Variants in DYSF observed in about 807,000 individuals in gnomAD.
DYSF encodes dysferlin.
A neutral mutation model predicts 274.9 loss-of-function variants in DYSF; 212 were observed. The ratio of observed to expected loss-of-function variants is 0.77; its 90% CI spans 0.69 to 0.86. The LOEUF (loss-of-function observed/expected upper bound fraction) is 0.86. DYSF is among the 40% of genes least tolerant of loss of function. The pLI, the probability that DYSF is intolerant of heterozygous loss-of-function variation, is 0.00. For missense variants in DYSF, 2,666 were observed against 2,783.2 expected, an observed-to-expected ratio of 0.96 and a Z score of 0.95; for synonymous variants, 1,091 against 1,078.7, an observed-to-expected ratio of 1.01 and a Z score of -0.22.
chr2:71,555,959 C>A lies in DYSF; in HGVS notation c.2110-6C>A. On this transcript the variant is annotated splice_polypyrimidine_tract_variant and splice_region_variant and intron_variant, in intron 21 of 55. Transcript: ENST00000410020. ...CACACCTGACCCTTGCCTGCCCATT[C>A]CACAGGAAGCTGGCCTGGAGCAGGT... is the stretch of plus-strand genomic sequence containing the variant. The A allele has an allele frequency of 6.4e-7, 1 of 1,556,626 alleles. No individual in the cohort carries two copies. The highest frequency in any genetic ancestry group is 1.2e-5 in the South Asian group (1 of 84,474).
rs138399910 is a variant in DYSF at position 71,557,948 on chromosome 2, C to T, written c.2216+1877C>T. ...TTGGGAGGCTGAGACAGCAGAATTG[C>T]TTGAACCCAGGAGGTGGATGTTGCA... On this transcript the variant is annotated intron_variant, in intron 22 of 55. Transcript: ENST00000410020. Among the ~76,000 whole-genome samples the T allele has an allele frequency of 2.8e-3, 429 of 151,960 alleles. 1 individual carries two copies. The highest frequency in any genetic ancestry group is 5.3e-3 in the Non-Finnish European group (358 of 67,962).
At chr2:71,656,030 C>A in intron 42 of DYSF, 132 bp from the exon 43 acceptor site, 2 of 1,230,338 alleles carry the variant, frequency 1.6e-6, no homozygotes, top group East Asian at 2.3e-5. Flanking sequence ...TTTTCTTCTT[C>A]TCTCTTCCTT....
At chr2:71,563,313 G>A (rs764108740) in intron 23 of DYSF, among the ~76,000 whole-genome samples, 2 of 152,200 alleles carry the variant, frequency 1.3e-5, no homozygotes, top group Admixed American at 6.5e-5. Flanking sequence ...GTGAAGCGAC[G>A]CATGGGCATG....
At position 71,564,144 on chromosome 2, in the gene DYSF, C is replaced by A. The variant is rs932447764; in HGVS notation, c.2496C>A (p.Val832=). ...ACCAGCGGGTGCCCGCCCACCAAGT[C>A]CTCTTCTCCCGGCGGGGTGCCAACT... ...VAYQRVPAHQ[V]LFSRRGANYC... The change falls in exon 24 of 56, where the codon GTC becomes GTA. Residue 832 remains valine (V), a synonymous_variant. Coordinates refer to ENST00000410020, the MANE Select transcript of DYSF (RefSeq NM_001130987.2). The A allele has an allele frequency of 6.2e-7, 1 of 1,614,284 alleles. No individual in the cohort carries two copies. Among genetic ancestry groups the A allele is most frequent in the Admixed American group, 1.7e-5 (1 of 60,038 alleles).
chr2:71,626,088 T>G (rs1175154606), intron 41 of DYSF, among the ~76,000 whole-genome samples: 2 of 152,036 alleles, frequency 1.3e-5, no homozygotes, highest in East Asian at 3.8e-4. Context: ...TGTGATTAAT[T>G]ACAATTTTAA....
chr2:71,526,160 G>A, intron 12 of DYSF, 60 bp from the exon 13 acceptor site: 1 of 1,613,870 alleles, frequency 6.2e-7, no homozygotes, highest in Middle Eastern at 1.6e-4. Context: ...TCTTAGAAAA[G>A]GAAAGTAAAA....
chr2:71,536,764 C>A (rs1180999438), intron 16 of DYSF, among the ~76,000 whole-genome samples: 2 of 152,134 alleles, frequency 1.3e-5, no homozygotes, highest in African/African-American at 2.4e-5. Flanking sequence ...CAAAAGCAAC[C>A]CCAAGCCCCA....
At chr2:71,548,512 G>A (rs2090663160) in intron 17 of DYSF, among the ~76,000 whole-genome samples, 1 of 152,234 alleles carries the variant, frequency 6.6e-6, no homozygotes, top group South Asian at 2.1e-4. Flanking sequence ...GGAAGAGGCA[G>A]AAATCAGAGA....
rs377586042 is a variant in DYSF, at chr2:71,513,256, G to T, written c.477G>T (p.Arg159=). 6.4e-7 allele frequency: 1 copy of T among 1,551,614 alleles called. No homozygotes were observed. ...ACAAGACAGGCGGGGGACAGAGCCG[G>T]GCCGAGACTTGGTCCCTGCTCAGTG... ...LDVVAGGGQS[R]AETWSLLSDS... is the part of the protein sequence containing the mutation. The change falls in exon 6 of 56, where the codon CGG becomes CGT. Residue 159 remains arginine, a synonymous_variant. Coordinates refer to ENST00000410020, the MANE Select transcript of DYSF (RefSeq NM_001130987.2).
intron 53 of DYSF, among the ~76,000 whole-genome samples, chr2:71,679,579 C>T (rs2095270768): frequency 6.6e-6 from 1 of 152,108 alleles, no homozygotes; most frequent in South Asian, 2.1e-4. Context: ...ATGCCTCTCC[C>T]ATTTGAGCAG....
intron 43 of DYSF, among the ~76,000 whole-genome samples, chr2:71,658,021 A>G (rs1482849352): frequency 6.6e-6 from 1 of 152,130 alleles, no homozygotes; most frequent in African/African-American, 2.4e-5. Flanking sequence ...CAGGCTGCAC[A>G]TTTTCTGAAC....
chr2:71,657,961 T>C (rs2094804033), intron 43 of DYSF, among the ~76,000 whole-genome samples: 1 of 152,266 alleles, frequency 6.6e-6, no homozygotes, highest in African/African-American at 2.4e-5. Flanking sequence ...TTTCTGCAGC[T>C]GGCTTGAATT....
chr2:71,472,149 T>C (rs76730160), intron 1 of DYSF, among the ~76,000 whole-genome samples: 3,462 of 152,314 alleles, frequency 0.023, 127 homozygotes, highest in African/African-American at 0.08. Context: ...TTATATCCAG[T>C]GCTTAAATTA....
intron 12 of DYSF, among the ~76,000 whole-genome samples, chr2:71,525,613 C>T (rs964380156): frequency 1.3e-5 from 2 of 152,188 alleles, no homozygotes; most frequent in Non-Finnish European, 1.5e-5. Flanking sequence ...GCATACACAT[C>T]AATGCATGTG....
chr2:71,549,653 C>T (rs565971770), intron 17 of DYSF, among the ~76,000 whole-genome samples: 2 of 148,290 alleles, frequency 1.3e-5, no homozygotes, highest in African/African-American at 2.5e-5. Context: ...GGCTGATGCT[C>T]GAGTTAGACC....
intron 1 of DYSF, among the ~76,000 whole-genome samples, chr2:71,475,769 A>T (rs1323434114): frequency 1.3e-5 from 2 of 152,044 alleles, no homozygotes; most frequent in Non-Finnish European, 2.9e-5. Context: ...ATTTCCTAAG[A>T]GATTATTTTA....
chr2:71,505,382 G>A (rs1253423712), intron 4 of DYSF, among the ~76,000 whole-genome samples: 1 of 152,226 alleles, frequency 6.6e-6, no homozygotes, highest in Admixed American at 6.5e-5. Flanking sequence ...AGCATGCCAG[G>A]TGCCCCCATT....
chr2:71,578,638 G>C (rs1427299874), intron 30 of DYSF, among the ~76,000 whole-genome samples: 2 of 152,160 alleles, frequency 1.3e-5, no homozygotes, highest in Non-Finnish European at 2.9e-5. Context: ...CCTTGCAGGG[G>C]CTGGGGAAAG....
chr2:71,466,811 G>A lies in DYSF; in HGVS notation c.-32G>A, dbSNP rs2081565618. The A allele has an allele frequency of 6.7e-7, 1 of 1,498,240 alleles. No individual in the cohort carries two copies. The highest frequency in any genetic ancestry group is 1.4e-5 in the African/African-American group (1 of 70,958). 92.8% of individuals were successfully genotyped at this position (1,498,240 alleles called of 1,614,324 possible). A position where few individuals can be genotyped will look rare whatever the true frequency, so the allele number is the denominator to read the frequency against. Reference sequence around the variant, plus strand: ...CGGTGCTCCCGCTCCCGCCCTGACTGCGCGCCTGTGTGCCGCCGGGGCTGC... The same window carrying A: ...CGGTGCTCCCGCTCCCGCCCTGACTACGCGCCTGTGTGCCGCCGGGGCTGC... On this transcript the variant is annotated 5_prime_UTR_variant, in exon 1 of 56. Coordinates refer to ENST00000410020, the MANE Select transcript of DYSF (RefSeq NM_001130987.2).
Sources: allele counts gnomAD v4.1 joint callset (sites outside exome capture counted in the v4.1 genomes callset), GRCh38; gene constraint gnomAD v4.1.1; transcripts MANE v1.5; gene names NCBI Gene and HGNC (gene_info 2026-07-23, HGNC 2026-07-21).